The following TAX1BP1 variants were observed in gnomAD, a reference collection of about 807,000 sequenced individuals.
The protein encoded by TAX1BP1 is tax1-binding protein 1.
A neutral mutation model predicts 97.7 loss-of-function variants in TAX1BP1; 62 were observed. The ratio of observed to expected loss-of-function variants is 0.63; its 90% CI spans 0.52 to 0.78. The LOEUF (loss-of-function observed/expected upper bound fraction) is 0.78. Ranked by LOEUF, TAX1BP1 falls within the 30% of genes least tolerant of loss-of-function variation. The pLI, the probability that TAX1BP1 is intolerant of heterozygous loss-of-function variation, is 0.00. For synonymous variants in TAX1BP1, 340 were observed against 304.2 expected (o/e 1.12, Z -1.23); for missense variants, 867 against 916.1 (o/e 0.95, Z 0.69).
intron 15 of TAX1BP1, among the ~76,000 whole-genome samples, chr7:27,821,232 C>A (rs1562746008): frequency 6.6e-6 from 1 of 152,104 alleles, no homozygotes; most frequent in Admixed American, 6.6e-5. Context: ...TAGTATAATA[C>A]CTTTCATATA....
chr7:27,758,291 C>T (rs1788301821), intron 3 of TAX1BP1, 158 bp downstream of exon 3: 15 of 476,000 alleles, frequency 3.2e-5, no homozygotes, highest in Non-Finnish European at 3.0e-5. Flanking sequence ...ATGTAACTGT[C>T]TGGTGTAGGC....
intron 5 of TAX1BP1, among the ~76,000 whole-genome samples, chr7:27,780,436 GT>G (rs1262583093): frequency 6.6e-6 from 1 of 151,940 alleles, no homozygotes; most frequent in African/African-American, 2.4e-5. Context: ...CCTTATAGTC[GT>G]TCCTAATTCT....
chr7:27,774,588 G>A (rs1263915987), intron 5 of TAX1BP1, among the ~76,000 whole-genome samples: 1 of 151,968 alleles, frequency 6.6e-6, no homozygotes, highest in African/African-American at 2.4e-5. Context: ...TGAAGGTGAC[G>A]TTTTATTTGG....
At chr7:27,791,900 C>G (rs1789723577) in intron 8 of TAX1BP1, 106 bp from the exon 9 acceptor site, 1 of 971,754 alleles carries the variant, frequency 1.0e-6, no homozygotes, top group South Asian at 1.6e-5. Context: ...GTAGAAAAAC[C>G]AATATCTAAA....
At chr7:27,750,545 G>A (rs569795225) in intron 2 of TAX1BP1, among the ~76,000 whole-genome samples, 1 of 152,306 alleles carries the variant, frequency 6.6e-6, no homozygotes, top group African/African-American at 2.4e-5. Flanking sequence ...GCTTCAGTTA[G>A]GGAAGTTGTG....
intron 4 of TAX1BP1, among the ~76,000 whole-genome samples, chr7:27,767,507 C>A (rs1463595657): frequency 6.6e-6 from 1 of 152,050 alleles, no homozygotes; most frequent in South Asian, 2.1e-4. Flanking sequence ...CCTCTCTTAT[C>A]TTAAAGAAAT....
At chr7:27,809,055 A>G (rs1790449526) in intron 13 of TAX1BP1, among the ~76,000 whole-genome samples, 1 of 111,022 alleles carries the variant, frequency 9.0e-6, no homozygotes, top group Non-Finnish European at 1.8e-5. Flanking sequence ...TATTAAGACA[A>G]ATTTGTGATA....
At chr7:27,817,455 T>C (rs1714012775) in intron 15 of TAX1BP1, among the ~76,000 whole-genome samples, 1 of 152,168 alleles carries the variant, frequency 6.6e-6, no homozygotes, top group South Asian at 2.1e-4. Context: ...AGCATTTATA[T>C]CCCACTTTAG....
At chr7:27,742,979 A>G (rs1346885674) in intron 1 of TAX1BP1, among the ~76,000 whole-genome samples, 2 of 152,304 alleles carry the variant, frequency 1.3e-5, no homozygotes, top group East Asian at 3.9e-4. Context: ...TGGAATGGAT[A>G]TGTTAAATCT....
At chr7:27,794,726 T>C (rs1243660176) in intron 11 of TAX1BP1, among the ~76,000 whole-genome samples, 2 of 152,312 alleles carry the variant, frequency 1.3e-5, no homozygotes, top group East Asian at 3.9e-4. Context: ...TGAGTACTCA[T>C]TTGGGCTACA....
At chr7:27,781,940 A>C (rs1243864258) in intron 5 of TAX1BP1, among the ~76,000 whole-genome samples, 2 of 151,934 alleles carry the variant, frequency 1.3e-5, no homozygotes, top group Non-Finnish European at 2.9e-5. Context: ...GCTCTCGTAC[A>C]CCTGACCTCA....
chr7:27,814,537 T>TA (rs1790688780), intron 13 of TAX1BP1, among the ~76,000 whole-genome samples: 1 of 152,206 alleles, frequency 6.6e-6, no homozygotes, highest in African/African-American at 2.4e-5. Flanking sequence ...ATGCTCTTCT[T>TA]AATGCATTAT....
intron 1 of TAX1BP1, among the ~76,000 whole-genome samples, chr7:27,741,663 A>G (rs1400926347): frequency 1.3e-5 from 2 of 152,006 alleles, no homozygotes; most frequent in Non-Finnish European, 2.9e-5. Flanking sequence ...ACCACACTGA[A>G]GGGGTGGGTT....
chr7:27,811,585 A>ATT (rs35055673), intron 13 of TAX1BP1, among the ~76,000 whole-genome samples: 32 of 147,470 alleles, frequency 2.2e-4, no homozygotes, highest in South Asian at 6.5e-4. Flanking sequence ...CCTCTGGTTG[A>ATT]TTTTTTTTTT....
At chr7:27,822,834 T>C (rs1791028786) in intron 15 of TAX1BP1, among the ~76,000 whole-genome samples, 1 of 152,206 alleles carries the variant, frequency 6.6e-6, no homozygotes, top group Non-Finnish European at 1.5e-5. Context: ...GCTTATACTT[T>C]TGTTATACCT....
chr7:27,741,362 T>C (rs966818205), intron 1 of TAX1BP1, among the ~76,000 whole-genome samples: 4 of 152,224 alleles, frequency 2.6e-5, no homozygotes, highest in Admixed American at 1.3e-4. Flanking sequence ...AGCCTTTCTC[T>C]TTCGTTCTGT....
At chr7:27,784,129 T>C (rs1789373972) in intron 5 of TAX1BP1, among the ~76,000 whole-genome samples, 1 of 152,202 alleles carries the variant, frequency 6.6e-6, no homozygotes, top group South Asian at 2.1e-4. Context: ...TAAAGTGAAT[T>C]ATAAATACTA....
intron 15 of TAX1BP1, 132 bp downstream of exon 15, chr7:27,817,170 T>C: frequency 2.7e-6 from 3 of 1,091,502 alleles, no homozygotes; most frequent in Non-Finnish European, 3.8e-6. Flanking sequence ...TGTGTGCTTG[T>C]GCCTGCACAC....
At chr7:27,815,016 C>T (rs1399895951) in intron 13 of TAX1BP1, among the ~76,000 whole-genome samples, 5 of 152,096 alleles carry the variant, frequency 3.3e-5, no homozygotes, top group African/African-American at 1.2e-4. Flanking sequence ...GGATTACAGG[C>T]GTGAGCCACT....
Sources: gnomAD v4.1 joint callset for allele counts (sites outside exome capture counted in the v4.1 genomes callset) on GRCh38, gnomAD v4.1.1 for gene constraint, MANE v1.5 for transcripts, NCBI Gene and HGNC (gene_info 2026-07-23, HGNC 2026-07-21) for gene names.